Variants in METTL15 observed in about 807,000 individuals in gnomAD.
METTL15 encodes methyltransferase 15, mitochondrial 12S rRNA N4-cytidine, also known as 12S rRNA N(4)-cytidine methyltransferase METTL15.
Under a neutral mutation model 38.3 loss-of-function variants are expected in METTL15, and 34 were observed. The ratio of observed to expected loss-of-function variants is 0.89; its 90% CI spans 0.68 to 1.18. The LOEUF is 1.18. Among genes scored for constraint, METTL15 ranks in the 50% most tolerant of loss-of-function variants. The pLI is 0.00. For missense variants in METTL15, 438 were observed against 498.4 expected (o/e 0.88, Z 1.15); for synonymous variants, 162 against 170.9 (o/e 0.95, Z 0.41).
At position 28,222,069 on chromosome 11, in the gene METTL15, G is replaced by C. The variant is rs531307219; in HGVS notation, c.407+10871G>C. 7.2e-5 allele frequency among the ~76,000 whole-genome samples: 11 copies of C among 152,274 alleles called. No individual in the cohort carries two copies. In the East Asian group the frequency reaches 2.1e-3, roughly 30 times the overall value. ...GCTGCATGCTGGGAGAACCACTACTGTCTTCCAAGCTGTCAGACAGGGATA... is the reference window on the plus strand; with the variant it reads ...GCTGCATGCTGGGAGAACCACTACTCTCTTCCAAGCTGTCAGACAGGGATA... On this transcript the variant is annotated intron_variant, in intron 4 of 6. Coordinates refer to ENST00000407364, the MANE Select transcript of METTL15 (RefSeq NM_001113528.2).
intron 3 of METTL15, among the ~76,000 whole-genome samples, chr11:28,178,409 T>C (rs1204915886): frequency 6.6e-6 from 1 of 151,932 alleles, no homozygotes; most frequent in Non-Finnish European, 1.5e-5. Flanking sequence ...ATCAAAATTA[T>C]TAACTCATGT....
chr11:28,502,561 C>A (rs536125736), intron 6 of METTL15, among the ~76,000 whole-genome samples: 7 of 152,142 alleles, frequency 4.6e-5, no homozygotes, highest in Non-Finnish European at 8.8e-5. Flanking sequence ...AGGGTAGCAG[C>A]TTTGAAGAAA....
At chr11:28,492,520 C>CCACACACA (rs34573735) in intron 6 of METTL15, among the ~76,000 whole-genome samples, 171 of 147,130 alleles carry the variant, frequency 1.2e-3, no homozygotes, top group African/African-American at 2.4e-3. Flanking sequence ...GCAACTGGAG[C>CCACACACA]CACACACACA....
intron 3 of METTL15, among the ~76,000 whole-genome samples, chr11:28,160,519 A>G (rs1850419767): frequency 6.6e-6 from 1 of 152,160 alleles, no homozygotes; most frequent in South Asian, 2.1e-4. Context: ...GATATTCTTT[A>G]TAAATACAAG....
chr11:28,389,500 C>A (rs1178555644), intron 5 of METTL15, among the ~76,000 whole-genome samples: 1 of 149,540 alleles, frequency 6.7e-6, no homozygotes, highest in Non-Finnish European at 1.5e-5. Flanking sequence ...TTTGTCCTTG[C>A]GATAGTTTAC....
intron 3 of METTL15, among the ~76,000 whole-genome samples, chr11:28,149,227 C>T (rs1449915290): frequency 2.7e-5 from 4 of 150,240 alleles, no homozygotes; most frequent in South Asian, 2.1e-4. Flanking sequence ...TTTGAGGAAC[C>T]TATGTAATAG....
intron 4 of METTL15, among the ~76,000 whole-genome samples, chr11:28,218,830 T>C (rs1434835992): frequency 6.6e-6 from 1 of 152,166 alleles, no homozygotes; most frequent in Non-Finnish European, 1.5e-5. Flanking sequence ...GTGGTTTTTG[T>C]CGTTGGTTCT....
intron 4 of METTL15, among the ~76,000 whole-genome samples, chr11:28,211,989 T>A (rs997759876): frequency 3.9e-5 from 6 of 152,032 alleles, no homozygotes; most frequent in Non-Finnish European, 5.9e-5. Flanking sequence ...AGTTGAAGTT[T>A]TGACTTGATG....
chr11:28,120,154 G>C (rs1852158745), intron 3 of METTL15, among the ~76,000 whole-genome samples: 1 of 151,220 alleles, frequency 6.6e-6, no homozygotes, highest in Admixed American at 6.6e-5. Flanking sequence ...GGGTTTCACC[G>C]TGTTAGCCAG....
At chr11:28,497,553 C>G (rs1851546077) in intron 6 of METTL15, among the ~76,000 whole-genome samples, 1 of 152,184 alleles carries the variant, frequency 6.6e-6, no homozygotes, top group African/African-American at 2.4e-5. Flanking sequence ...GCTGCTATAA[C>G]AGAATACCAC....
At chr11:28,179,015 T>C (rs1851182546) in intron 3 of METTL15, among the ~76,000 whole-genome samples, 1 of 151,780 alleles carries the variant, frequency 6.6e-6, no homozygotes, top group Non-Finnish European at 1.5e-5. Flanking sequence ...TTTATACTAT[T>C]TGTAATCTGT....
intron 4 of METTL15, among the ~76,000 whole-genome samples, chr11:28,254,438 C>T (rs992894324): frequency 2.8e-4 from 42 of 152,126 alleles, no homozygotes; most frequent in African/African-American, 9.6e-4. Flanking sequence ...TTAGGTGTCT[C>T]TTCACTTTAT....
At chr11:28,503,689 G>T (rs527535794) in intron 6 of METTL15, among the ~76,000 whole-genome samples, 3 of 152,094 alleles carry the variant, frequency 2.0e-5, no homozygotes, top group East Asian at 1.9e-4. Flanking sequence ...TACTCTGGGG[G>T]CTGAGGCAGG....
At chr11:28,172,853 A>G (rs1330151346) in intron 3 of METTL15, among the ~76,000 whole-genome samples, 2 of 152,222 alleles carry the variant, frequency 1.3e-5, no homozygotes, top group South Asian at 2.1e-4. Context: ...AAGAAGAGCA[A>G]AGTATGGAGA....
intron 5 of METTL15, among the ~76,000 whole-genome samples, chr11:28,365,532 ATC>A (rs1850177189): frequency 6.6e-6 from 1 of 152,040 alleles, no homozygotes; most frequent in Non-Finnish European, 1.5e-5. Flanking sequence ...TCTTTGTCAT[ATC>A]TGATTGCATT....
intron 3 of METTL15, among the ~76,000 whole-genome samples, chr11:28,189,000 G>A (rs1851606997): frequency 6.6e-6 from 1 of 151,122 alleles, no homozygotes; most frequent in African/African-American, 2.4e-5. Context: ...TTACCATAAT[G>A]TGTTCAATGT....
intron 6 of METTL15, among the ~76,000 whole-genome samples, chr11:28,313,548 A>T (rs955879210): frequency 6.6e-5 from 10 of 151,684 alleles, no homozygotes; most frequent in African/African-American, 1.2e-4. Flanking sequence ...TTAGGAAATT[A>T]AAAAAAACTT....
chr11:28,266,132 G>A (rs7929633), intron 4 of METTL15, among the ~76,000 whole-genome samples: 13,333 of 152,110 alleles, frequency 0.088, 1,042 homozygotes, highest in East Asian at 0.36. Flanking sequence ...TAGTTCAACC[G>A]TTGTGGAAGT....
At chr11:28,340,719 G>A (rs879168561) in intron 3 of METTL15, among the ~76,000 whole-genome samples, 2 of 152,130 alleles carry the variant, frequency 1.3e-5, no homozygotes, top group Admixed American at 1.3e-4. Flanking sequence ...TTACAGCATT[G>A]GTGGGAGTGT....
Sources: gnomAD v4.1 joint callset for allele counts (sites outside exome capture counted in the v4.1 genomes callset) on GRCh38, gnomAD v4.1.1 for gene constraint, MANE v1.5 for transcripts, NCBI Gene and HGNC (gene_info 2026-07-23, HGNC 2026-07-21) for gene names.